The following UBE2N variants were observed in gnomAD, a reference collection of about 807,000 sequenced individuals.
UBE2N encodes the protein ubiquitin-conjugating enzyme E2 N.
For missense variants in UBE2N, 60 were observed against 192.1 expected, an observed-to-expected ratio of 0.31 and a Z score of 4.07; for synonymous variants, 70 against 69.2, an observed-to-expected ratio of 1.01 and a Z score of -0.06.
chr12:93,427,065 G>A (rs889667469), intron 1 of UBE2N, among the ~76,000 whole-genome samples: 26 of 152,012 alleles, frequency 1.7e-4, no homozygotes, highest in African/African-American at 5.8e-4. Context: ...GATTACAGGC[G>A]TGTGCCACCA....
chr12:93,414,245 T>A (rs138818440), intron 1 of UBE2N, among the ~76,000 whole-genome samples: 2,190 of 151,046 alleles, frequency 0.014, 29 homozygotes, highest in Middle Eastern at 0.024. Flanking sequence ...AGGTCAGGAG[T>A]TCGAGACCAG....
intron 1 of UBE2N, among the ~76,000 whole-genome samples, chr12:93,431,188 T>C (rs544089801): frequency 8.5e-5 from 13 of 152,094 alleles, no homozygotes; most frequent in African/African-American, 2.2e-4. Context: ...GATCGTGCCA[T>C]TGCACTCCCA....
At chr12:93,419,444 C>G (rs1048445859) in intron 1 of UBE2N, among the ~76,000 whole-genome samples, 1 of 151,290 alleles carries the variant, frequency 6.6e-6, no homozygotes, top group African/African-American at 2.4e-5. Flanking sequence ...AACAGAAATG[C>G]ATGTAACAAC....
intron 1 of UBE2N, among the ~76,000 whole-genome samples, chr12:93,427,437 T>C (rs761301268): frequency 9.9e-5 from 15 of 152,248 alleles, no homozygotes; most frequent in Admixed American, 2.0e-4. Flanking sequence ...AGGAATGAAG[T>C]ACTAATACAT....
chr12:93,423,452 GGA>G (rs1878480318), intron 1 of UBE2N, among the ~76,000 whole-genome samples: 1 of 152,130 alleles, frequency 6.6e-6, no homozygotes, highest in Non-Finnish European at 1.5e-5. Context: ...AGTCAAAAGA[GGA>G]GAGCATACAA....
intron 1 of UBE2N, among the ~76,000 whole-genome samples, chr12:93,429,661 G>A (rs1447642399): frequency 6.6e-6 from 1 of 151,976 alleles, no homozygotes; most frequent in Non-Finnish European, 1.5e-5. Flanking sequence ...ACAGCTCCAT[G>A]TGTGTTACTG....
chr12:93,440,147 T>A (rs1338448547), intron 1 of UBE2N, among the ~76,000 whole-genome samples: 19 of 152,248 alleles, frequency 1.2e-4, no homozygotes, highest in Admixed American at 1.2e-3. Context: ...TCAACTTGCA[T>A]TATGTACTTA....
intron 1 of UBE2N, among the ~76,000 whole-genome samples, chr12:93,441,637 G>A (rs1403733925): frequency 3.3e-5 from 5 of 151,898 alleles, no homozygotes; most frequent in East Asian, 1.9e-4. Context: ...TGGAAGCCCC[G>A]GGTCCCCGCT....
intron 1 of UBE2N, among the ~76,000 whole-genome samples, chr12:93,423,987 TA>T (rs1878496732): frequency 1.3e-5 from 2 of 152,202 alleles, no homozygotes; most frequent in Admixed American, 1.3e-4. Flanking sequence ...AAGAAATACA[TA>T]AAATTAATCT....
intron 1 of UBE2N, among the ~76,000 whole-genome samples, chr12:93,435,095 A>G (rs948692375): frequency 1.3e-5 from 2 of 152,226 alleles, no homozygotes; most frequent in South Asian, 4.1e-4. Flanking sequence ...GGAGGTACAT[A>G]TATTTCTGAA....
At chr12:93,439,101 G>C (rs1331190712) in intron 1 of UBE2N, among the ~76,000 whole-genome samples, 1 of 152,222 alleles carries the variant, frequency 6.6e-6, no homozygotes, top group African/African-American at 2.4e-5. Flanking sequence ...CATATTAACA[G>C]TCATGCAAAT....
In UBE2N at chr12:93,406,464, T is replaced by TACA; in HGVS notation, c.*3574_*3575insTGT. 1 of 152,108 alleles carries TACA rather than the reference T, an allele frequency of 6.6e-6. No homozygotes were observed. The highest frequency in any genetic ancestry group is 1.9e-4 in the East Asian group (1 of 5,190). 9.4% of individuals were successfully genotyped at this position (152,108 alleles called of 1,614,324 possible). A position where few individuals can be genotyped will look rare whatever the true frequency, so the allele number is the denominator to read the frequency against. ...CATAGCACCTGTGACTTTTATCTGT[T>TACA]GGTTTGTATTTAATCTTATTTTTAA... On this transcript the variant is annotated 3_prime_UTR_variant, in exon 4 of 4. Coordinates refer to ENST00000318066, the MANE Select transcript of UBE2N (RefSeq NM_003348.4).
chr12:93,430,579 C>T (rs964455327), intron 1 of UBE2N, among the ~76,000 whole-genome samples: 1 of 151,542 alleles, frequency 6.6e-6, no homozygotes, highest in African/African-American at 2.4e-5. Flanking sequence ...GTAGGAAAGC[C>T]TCTAATTAAA....
At chr12:93,416,857 C>CAAAAAAAAAA (rs4020452) in intron 1 of UBE2N, among the ~76,000 whole-genome samples, 3 of 88,560 alleles carry the variant, frequency 3.4e-5, no homozygotes, top group Non-Finnish European at 2.3e-5. Context: ...CCATCACTAC[C>CAAAAAAAAAA]AAAAAAAAAA....
chr12:93,434,277 C>T (rs1038156348), intron 1 of UBE2N, among the ~76,000 whole-genome samples: 2 of 151,968 alleles, frequency 1.3e-5, no homozygotes, highest in Non-Finnish European at 2.9e-5. Flanking sequence ...GGCGACAGAG[C>T]GAGACTCCGT....
chr12:93,415,534 C>T (rs560436098), intron 1 of UBE2N, among the ~76,000 whole-genome samples: 2 of 152,144 alleles, frequency 1.3e-5, no homozygotes, highest in South Asian at 4.1e-4. Flanking sequence ...AAGCCTCTGA[C>T]CTTGGGAAGT....
rs1877897410 is a variant in UBE2N, at chr12:93,407,787, C to CAAGG, written c.*2251_*2252insCCTT. The CAAGG allele has an allele frequency of 6.6e-6, 1 of 152,264 alleles. No individual in the cohort carries two copies. The highest frequency in any genetic ancestry group is 2.4e-5 in the African/African-American group (1 of 41,474). 9.4% of individuals were successfully genotyped at this position (152,264 alleles called of 1,614,324 possible). A position where few individuals can be genotyped will look rare whatever the true frequency, so the allele number is the denominator to read the frequency against. ...CAGGTGAAGCTGCAGTTTTCAACTG[C>CAAGG]TGCCTTGGCCTCTCCCAGAGCCCCT... is the stretch of plus-strand genomic sequence containing the variant. On this transcript the variant is annotated 3_prime_UTR_variant, in exon 4 of 4. Coordinates refer to ENST00000318066, the MANE Select transcript of UBE2N (RefSeq NM_003348.4).
Position 93,410,831 on chromosome 12 carries a change from C to G in UBE2N, c.321G>C (p.Ser107=), listed in dbSNP as rs1340813163. The G allele has an allele frequency of 1.2e-6, 2 of 1,614,090 alleles. No homozygotes were observed. The highest frequency in any genetic ancestry group is 1.6e-4 in the Middle Eastern group (1 of 6,062). Residue 107 remains serine, a synonymous_variant, in exon 3 of 4, where the codon TCG becomes TCC. Transcript: ENST00000318066. ...PALQIRTVLL[S]IQALLSAPNP... is the part of the protein sequence containing the mutation. ...TGGGAGCACTTAACAAGGCCTGGAT[C>G]GATAGCAGAACTGTGCGGATCTGCA...
At chr12:93,436,289 A>C (rs577109701) in intron 1 of UBE2N, among the ~76,000 whole-genome samples, 2 of 152,266 alleles carry the variant, frequency 1.3e-5, no homozygotes, top group African/African-American at 4.8e-5. Flanking sequence ...CTTTTTGTAG[A>C]GACAAGGTCT....
Sources: gnomAD v4.1 joint callset for allele counts (sites outside exome capture counted in the v4.1 genomes callset) on GRCh38, gnomAD v4.1.1 for gene constraint, MANE v1.5 for transcripts, NCBI Gene and HGNC (gene_info 2026-07-23, HGNC 2026-07-21) for gene names.